The following KCNQ1OT1 variants were observed in gnomAD, a reference collection of about 807,000 sequenced individuals.
The protein encoded by KCNQ1OT1 is KCNQ1 antisense RNA 2 (non-protein coding).
chr11:2,667,311 A>G (rs751098453), exon 1 of KCNQ1OT1: 9 of 398,458 alleles, frequency 2.3e-5, no homozygotes, highest in Non-Finnish European at 4.0e-5. Context: ...GTCTAGGTGG[A>G]TGGCCCAGAA....
chr11:2,688,438 G>A, exon 1 of KCNQ1OT1: 1 of 398,782 alleles, frequency 2.5e-6, no homozygotes. Flanking sequence ...GCCCCTGCCT[G>A]TGCCATCACT....
Position 2,669,091 on chromosome 11 carries a change from A to T in KCNQ1OT1, n.30904T>A. The T allele has an allele frequency of 1.0e-5, 4 of 398,714 alleles. No homozygotes were observed. The highest frequency in any genetic ancestry group is 1.8e-5 in the Non-Finnish European group (4 of 226,112). The allele number at this position is 398,714 out of a possible 1,614,324, so 24.7% of individuals were successfully genotyped here. A position where few individuals can be genotyped will look rare whatever the true frequency, so the allele number is the denominator to read the frequency against. On this transcript the variant is annotated non_coding_transcript_exon_variant, in exon 1 of 1. Transcript: ENST00000597346. The surrounding 1 kb of genome is among the most constrained non-coding windows in gnomAD (Gnocchi z 5.6). ...TACCCTGCCGTATCAGTGTCTTTAC[A>T]ATCAGCTCACTGGCTACGTGTGGCT... is the stretch of plus-strand genomic sequence containing the variant.
chr11:2,659,886 G>C lies in KCNQ1OT1; in HGVS notation n.40109C>G, dbSNP rs1316499545. ...TATTTATAATCCATTTTTAAAATTG[G>C]ATTGTTCACTTTATTGTCAAGTTGT... On this transcript the variant is annotated non_coding_transcript_exon_variant, in exon 1 of 1. Transcript: ENST00000597346. The surrounding 1 kb of genome is among the most constrained non-coding windows in gnomAD (Gnocchi z 4.3). 5.0e-6 allele frequency: 2 copies of C among 398,012 alleles called. No homozygotes were observed. Among genetic ancestry groups the C allele is most frequent in the Admixed American group, 4.4e-5 (1 of 22,684 alleles). 24.7% of individuals were successfully genotyped at this position (398,012 alleles called of 1,614,324 possible).
chr11:2,699,215 G>A (rs1850729261), exon 1 of KCNQ1OT1: 3 of 398,726 alleles, frequency 7.5e-6, no homozygotes, highest in Middle Eastern at 6.3e-4. Context: ...CCAGGAACTC[G>A]GACCTCGACC....
chr11:2,661,568 G>C lies in KCNQ1OT1; in HGVS notation n.38427C>G. On this transcript the variant is annotated non_coding_transcript_exon_variant, in exon 1 of 1. Coordinates refer to ENST00000597346, the Ensembl canonical transcript of KCNQ1OT1. The surrounding 1 kb of genome is among the most constrained non-coding windows in gnomAD (Gnocchi z 5.9). ...TCTGTCAATGTATGAGTGTGACAAT[G>C]TATGGTGGTGGGAGCTGTTGTCCCT... is the stretch of plus-strand genomic sequence containing the variant. The C allele has an allele frequency of 3.6e-6, 2 of 553,818 alleles. No homozygotes were observed. Among genetic ancestry groups the C allele is most frequent in the Non-Finnish European group, 6.4e-6 (2 of 311,852 alleles). 34.3% of individuals were successfully genotyped at this position (553,818 alleles called of 1,614,324 possible).
exon 1 of KCNQ1OT1, chr11:2,622,021 C>T (rs1473248025): frequency 2.5e-6 from 1 of 398,060 alleles, no homozygotes; most frequent in Non-Finnish European, 4.4e-6. Flanking sequence ...TGTAAACTTC[C>T]CTCTTAGAAC....
exon 1 of KCNQ1OT1, chr11:2,619,916 T>C: frequency 2.5e-6 from 1 of 398,394 alleles, no homozygotes; most frequent in Non-Finnish European, 4.4e-6. Context: ...GCATGGTATA[T>C]GGAGTATACT....
chr11:2,662,438 C>T (rs1849978431), exon 1 of KCNQ1OT1: 4 of 426,002 alleles, frequency 9.4e-6, no homozygotes, highest in Non-Finnish European at 1.3e-5. Flanking sequence ...CCCCATGGAA[C>T]CCTGGCCAAA....
chr11:2,694,345 T>C (rs1850637783), exon 1 of KCNQ1OT1: 3 of 398,644 alleles, frequency 7.5e-6, no homozygotes, highest in East Asian at 7.1e-5. Context: ...CCAGGGGACA[T>C]ATGGCAATGT....
At chr11:2,643,714 T>G (rs1849616027) in exon 1 of KCNQ1OT1, 2 of 398,462 alleles carry the variant, frequency 5.0e-6, no homozygotes, top group African/African-American at 4.1e-5. Context: ...TTTGTGTGCT[T>G]TCATGAAGTT....
At chr11:2,667,196 G>GC (rs1554904604) in exon 1 of KCNQ1OT1, 40 of 398,694 alleles carry the variant, frequency 1.0e-4, no homozygotes, top group East Asian at 7.1e-4. Flanking sequence ...AGCTGTGGCG[G>GC]CCCCCCGTGG....
exon 1 of KCNQ1OT1, chr11:2,699,256 G>A: frequency 2.5e-6 from 1 of 398,806 alleles, no homozygotes. Flanking sequence ...GTGCAGATGG[G>A]AGCGCACTGC....
Position 2,698,157 on chromosome 11 carries a change from C to T in KCNQ1OT1, n.1838G>A, listed in dbSNP as rs1850709725. 1 of 398,590 alleles carries T rather than the reference C, an allele frequency of 2.5e-6. No homozygotes were observed. The highest frequency in any genetic ancestry group is 4.4e-6 in the Non-Finnish European group (1 of 226,074). 24.7% of individuals were successfully genotyped at this position (398,590 alleles called of 1,614,324 possible). On this transcript the variant is annotated non_coding_transcript_exon_variant, in exon 1 of 1. Transcript: ENST00000597346. The surrounding 1 kb of genome is among the most constrained non-coding windows in gnomAD (Gnocchi z 5.1). ...CAGCAGAAAACAAAACAGAGTTCCT[C>T]GTTGGGAGCTTTTGGTCTAGCAAAA...
Position 2,647,938 on chromosome 11 carries a change from G to A in KCNQ1OT1, n.52057C>T, listed in dbSNP as rs570982327. 4.3e-5 allele frequency: 17 copies of A among 397,994 alleles called. No individual in the cohort carries two copies. Among genetic ancestry groups the A allele is most frequent in the East Asian group, 1.1e-4 (3 of 28,038 alleles). 24.7% of individuals were successfully genotyped at this position (397,994 alleles called of 1,614,324 possible). A position where few individuals can be genotyped will look rare whatever the true frequency, so the allele number is the denominator to read the frequency against. ...TTCAAAAAATCAGTTTTTTGGCTGG[G>A]TTTGTTGGCTCACACCTGTAAACCC... On this transcript the variant is annotated non_coding_transcript_exon_variant, in exon 1 of 1. Coordinates refer to ENST00000597346, the Ensembl canonical transcript of KCNQ1OT1. This position sits in a 1 kb window ranked among gnomAD's most constrained non-coding sequence, Gnocchi z 4.0.
rs1849117690 is a variant in KCNQ1OT1 at position 2,618,965 on chromosome 11, T to C, written n.81030A>G. On this transcript the variant is annotated non_coding_transcript_exon_variant, in exon 1 of 1. Transcript: ENST00000597346. ...TAAATGGGATTGTTTTCTTGATTTCTTTTTTGGCCAGGTCATTATTTGTGT... is the reference window on the plus strand; with the variant it reads ...TAAATGGGATTGTTTTCTTGATTTCCTTTTTGGCCAGGTCATTATTTGTGT... 1.5e-5 allele frequency: 6 copies of C among 398,376 alleles called. No homozygotes were observed. In the East Asian group the frequency reaches 2.1e-4, roughly 14 times the overall value. 24.7% of individuals were successfully genotyped at this position (398,376 alleles called of 1,614,324 possible). A position where few individuals can be genotyped will look rare whatever the true frequency, so the allele number is the denominator to read the frequency against.
At chr11:2,609,506 G>A (rs1848941348) in exon 1 of KCNQ1OT1, 1 of 398,194 alleles carries the variant, frequency 2.5e-6, no homozygotes. Context: ...GTTGGTTGTT[G>A]GGCGAAGTGC....
At chr11:2,693,581 C>T (rs183353392) in exon 1 of KCNQ1OT1, 81 of 398,658 alleles carry the variant, frequency 2.0e-4, no homozygotes, top group African/African-American at 1.6e-3. Flanking sequence ...GGGATTCTTC[C>T]ATAAATGAGG....
chr11:2,621,017 T>A lies in KCNQ1OT1; in HGVS notation n.78978A>T, dbSNP rs1849162933. The A allele has an allele frequency of 1.3e-5, 5 of 396,752 alleles. No individual in the cohort carries two copies. The highest frequency in any genetic ancestry group is 2.2e-5 in the Non-Finnish European group (5 of 225,642). 24.6% of individuals were successfully genotyped at this position (396,752 alleles called of 1,614,324 possible). A position where few individuals can be genotyped will look rare whatever the true frequency, so the allele number is the denominator to read the frequency against. On this transcript the variant is annotated non_coding_transcript_exon_variant, in exon 1 of 1. Transcript: ENST00000597346. This position sits in a 1 kb window ranked among gnomAD's most constrained non-coding sequence, Gnocchi z 5.7. ...TTTTGAGAAAGAGTCTTGCTCTGTC[T>A]CCCAGGCTGGAGTGCAGTGGCGCAA... is the stretch of plus-strand genomic sequence containing the variant.
chr11:2,677,537 A>G lies in KCNQ1OT1; in HGVS notation n.22458T>C. On this transcript the variant is annotated non_coding_transcript_exon_variant, in exon 1 of 1. Transcript: ENST00000597346. The surrounding 1 kb of genome is among the most constrained non-coding windows in gnomAD (Gnocchi z 4.5). Reference sequence around the variant, plus strand: ...GTGCTGCCAACATCCTCTGCCAAGTATAAAAGATGCCCTCAGATGTTACCA... The same window carrying G: ...GTGCTGCCAACATCCTCTGCCAAGTGTAAAAGATGCCCTCAGATGTTACCA... The G allele has an allele frequency of 2.5e-6, 1 of 398,626 alleles. No homozygotes were observed. The allele number at this position is 398,626 out of a possible 1,614,324, so 24.7% of individuals were successfully genotyped here.
Sources: gnomAD v4.1 joint callset for allele counts on GRCh38, gnomAD v4.1.1 for gene constraint, Gnocchi (gnomAD v3.1) non-coding constraint, MANE v1.5 for transcripts, NCBI Gene and HGNC (gene_info 2026-07-23, HGNC 2026-07-21) for gene names.